Variants in DSCAM observed in about 807,000 individuals in gnomAD.
DSCAM encodes the protein DS cell adhesion molecule.
A neutral mutation model predicts 217.7 loss-of-function variants in DSCAM; 47 were observed. The ratio of observed to expected loss-of-function variants is 0.22; its 90% CI spans 0.17 to 0.28. The LOEUF is 0.28. Among genes scored for constraint, DSCAM ranks in the 10% least tolerant of loss-of-function variants. The pLI, the probability that DSCAM is intolerant of heterozygous loss-of-function variation, is 1.00. For synonymous variants in DSCAM, 1,056 were observed against 1,015.3 expected, an observed-to-expected ratio of 1.04 and a Z score of -0.76; for missense variants, 2,080 against 2,618.3, an observed-to-expected ratio of 0.79 and a Z score of 4.49.
At chr21:40,675,934 C>A (rs1339207671) in intron 3 of DSCAM, among the ~76,000 whole-genome samples, 5 of 152,174 alleles carry the variant, frequency 3.3e-5, no homozygotes, top group Non-Finnish European at 7.4e-5. Context: ...CACATATACT[C>A]TATAGCCACT....
intron 11 of DSCAM, among the ~76,000 whole-genome samples, chr21:40,215,644 A>C (rs1202160670): frequency 6.6e-6 from 1 of 152,050 alleles, no homozygotes; most frequent in Non-Finnish European, 1.5e-5. Context: ...TGGACATTGG[A>C]GACTCAGAAG....
At chr21:40,121,145 G>A (rs111877309) in intron 20 of DSCAM, among the ~76,000 whole-genome samples, 50 of 152,146 alleles carry the variant, frequency 3.3e-4, no homozygotes, top group African/African-American at 1.1e-3. Context: ...GTGGTCATTC[G>A]CACACATAGC....
chr21:40,545,019 T>C (rs1474463296), intron 3 of DSCAM, among the ~76,000 whole-genome samples: 1 of 151,728 alleles, frequency 6.6e-6, no homozygotes, highest in Admixed American at 6.6e-5. Flanking sequence ...CCCCAGTAGG[T>C]GAGGGTATTA....
chr21:40,767,289 T>C (rs1384312873), intron 1 of DSCAM, among the ~76,000 whole-genome samples: 1 of 152,026 alleles, frequency 6.6e-6, no homozygotes, highest in African/African-American at 2.4e-5. Flanking sequence ...AATTTCAATC[T>C]GAAATAAGGG....
chr21:40,303,321 C>T (rs1601532593), intron 9 of DSCAM, among the ~76,000 whole-genome samples: 1 of 152,194 alleles, frequency 6.6e-6, no homozygotes, highest in East Asian at 1.9e-4. Context: ...ACAAAACTCA[C>T]TCCACACTCA....
intron 32 of DSCAM, among the ~76,000 whole-genome samples, chr21:40,028,999 A>G (rs1006557386): frequency 4.0e-5 from 6 of 151,896 alleles, no homozygotes; most frequent in African/African-American, 1.5e-4. Flanking sequence ...TTGCCTGTAC[A>G]ATTACAAGTC....
chr21:40,755,934 T>C (rs552415478), intron 1 of DSCAM, among the ~76,000 whole-genome samples: 9 of 152,352 alleles, frequency 5.9e-5, no homozygotes, highest in African/African-American at 1.7e-4. Flanking sequence ...TACAGGAATA[T>C]TGGCAGATCT....
chr21:40,241,758 A>G (rs574313756), intron 11 of DSCAM, among the ~76,000 whole-genome samples: 1 of 152,366 alleles, frequency 6.6e-6, no homozygotes, highest in Admixed American at 6.5e-5. Flanking sequence ...AATGCCCATC[A>G]ATGACAGATT....
chr21:40,532,924 A>G (rs116039668), intron 3 of DSCAM, among the ~76,000 whole-genome samples: 3,449 of 148,698 alleles, frequency 0.023, 138 homozygotes, highest in African/African-American at 0.081. Flanking sequence ...ACGCACGCGC[A>G]TGTGCGCATA....
chr21:40,772,389 G>A (rs778562872), intron 1 of DSCAM, among the ~76,000 whole-genome samples: 1 of 152,096 alleles, frequency 6.6e-6, no homozygotes, highest in Non-Finnish European at 1.5e-5. Flanking sequence ...GGCTGGTCTC[G>A]AACTCCCGAC....
intron 3 of DSCAM, among the ~76,000 whole-genome samples, chr21:40,524,399 A>G (rs2076383964): frequency 6.6e-6 from 1 of 152,094 alleles, no homozygotes; most frequent in Admixed American, 6.5e-5. Flanking sequence ...TGCTTGATAA[A>G]GTAATTTAAA....
At chr21:40,224,523 G>A (rs1362604881) in intron 11 of DSCAM, among the ~76,000 whole-genome samples, 3 of 152,160 alleles carry the variant, frequency 2.0e-5, no homozygotes, top group African/African-American at 7.2e-5. Flanking sequence ...GATGGGAAGA[G>A]CTCTATGATG....
chr21:40,708,349 G>T (rs2090739848), intron 2 of DSCAM, 105 bp downstream of exon 2: 2 of 973,784 alleles, frequency 2.1e-6, no homozygotes, highest in Non-Finnish European at 2.8e-6. Context: ...TGATGATGGG[G>T]TTTTCATTGG....
intron 17 of DSCAM, among the ~76,000 whole-genome samples, chr21:40,143,010 C>G (rs1475733286): frequency 1.3e-5 from 2 of 152,078 alleles, no homozygotes; most frequent in Admixed American, 1.3e-4. Flanking sequence ...AATTTTATTG[C>G]CTGAGTAGAA....
Position 40,135,766 on chromosome 21 carries a change from G to A in DSCAM, c.3407-1757C>T, listed in dbSNP as rs144025071. Among the ~76,000 whole-genome samples, 202 of 152,342 alleles carry A rather than the reference G, an allele frequency of 1.3e-3. 1 individual carries two copies. Among genetic ancestry groups the A allele is most frequent in the African/African-American group, 4.4e-3 (182 of 41,580 alleles). ...GAATAGCCATGTATTTTGTGATTAC[G>A]ATGACTGTGGAACATCTTTTGTTCA... On this transcript the variant is annotated intron_variant, in intron 18 of 32. Coordinates refer to ENST00000400454, the MANE Select transcript of DSCAM (RefSeq NM_001389.5).
At chr21:40,269,566 G>T (rs1331088234) in intron 11 of DSCAM, among the ~76,000 whole-genome samples, 1 of 152,196 alleles carries the variant, frequency 6.6e-6, no homozygotes, top group African/African-American at 2.4e-5. Context: ...ACAAACTGGG[G>T]TGCTTAAACA....
chr21:40,268,812 G>A (rs1281651927), intron 11 of DSCAM, among the ~76,000 whole-genome samples: 3 of 152,102 alleles, frequency 2.0e-5, no homozygotes, highest in Admixed American at 1.3e-4. Flanking sequence ...TAAGCCAGGT[G>A]TAGTGATGGG....
chr21:40,404,727 G>C (rs936624687), intron 3 of DSCAM, among the ~76,000 whole-genome samples: 1 of 152,232 alleles, frequency 6.6e-6, no homozygotes, highest in African/African-American at 2.4e-5. Context: ...AGAATAGTGA[G>C]TGGAGGAAGG....
intron 3 of DSCAM, among the ~76,000 whole-genome samples, chr21:40,476,011 A>G (rs1353416212): frequency 6.6e-6 from 1 of 152,178 alleles, no homozygotes; most frequent in East Asian, 1.9e-4. Context: ...CAAGTGTTTC[A>G]TCTTTGGGTG....
Sources: gnomAD v4.1 joint callset for allele counts (sites outside exome capture counted in the v4.1 genomes callset) on GRCh38, gnomAD v4.1.1 for gene constraint, MANE v1.5 for transcripts, NCBI Gene and HGNC (gene_info 2026-07-23, HGNC 2026-07-21) for gene names.